Variants in TIMM9 observed in about 807,000 individuals in gnomAD.
TIMM9 encodes mitochondrial import inner membrane translocase subunit Tim9.
A neutral mutation model predicts 13.4 loss-of-function variants in TIMM9; 10 were observed. That is an observed-to-expected ratio of 0.75 (90% CI 0.46 to 1.26). The LOEUF is 1.26. Among genes scored for constraint, TIMM9 ranks in the 50% most tolerant of loss-of-function variants. The probability of loss-of-function intolerance (pLI) is 0.00; values close to 1 mark genes in which losing one functional copy is unlikely to be tolerated. For missense variants in TIMM9, 87 were observed against 100.8 expected, an observed-to-expected ratio of 0.86 and a Z score of 0.58; for synonymous variants, 32 against 32.1, an observed-to-expected ratio of 1.00 and a Z score of 0.01.
At chr14:58,415,672 C>A (rs149101430) in intron 3 of TIMM9, among the ~76,000 whole-genome samples, 176 of 152,072 alleles carry the variant, frequency 1.2e-3, no homozygotes, top group African/African-American at 4.0e-3. Flanking sequence ...CAGAGAAAAA[C>A]AGAATGAAAA....
At position 58,415,214 on chromosome 14, in the gene TIMM9, A is replaced by C. The variant is rs562419217; in HGVS notation, c.-26-3243T>G. On this transcript the variant is annotated intron_variant, in intron 3 of 5. Transcript: ENST00000395159. ...CAGTAATGAAGTGGTACCTCCCACC[A>C]CTTCCCCTCATGGAGCATTGTCAAA... Among the ~76,000 whole-genome samples, 22 of 152,290 alleles carry C rather than the reference A, an allele frequency of 1.4e-4. No individual in the cohort carries two copies. The South Asian group carries it at 4.3e-3, about 30-fold the overall frequency.
intron 3 of TIMM9, among the ~76,000 whole-genome samples, chr14:58,418,059 A>T (rs1380196617): frequency 1.3e-5 from 2 of 152,126 alleles, no homozygotes; most frequent in Non-Finnish European, 2.9e-5. Flanking sequence ...TGAAAGATAT[A>T]AAAAAGTCTA....
chr14:58,416,418 T>G (rs2036410628), intron 3 of TIMM9, among the ~76,000 whole-genome samples: 1 of 152,106 alleles, frequency 6.6e-6, no homozygotes, highest in African/African-American at 2.4e-5. Context: ...AAAACAACTG[T>G]CAATGCAGAA....
rs1319970581 is a variant in TIMM9, at chr14:58,408,575, C to T, written c.*459G>A. 1.2e-6 allele frequency: 2 copies of T among 1,613,890 alleles called. No individual in the cohort carries two copies. Among genetic ancestry groups the T allele is most frequent in the Admixed American group, 3.3e-5 (2 of 59,970 alleles). ...GAACAGGACTGCTTGGAGGATGATC[C>T]TGATTGAAAAACATTTCAACGTATC... On this transcript the variant is annotated 3_prime_UTR_variant, in exon 6 of 6. Coordinates refer to ENST00000395159, the MANE Select transcript of TIMM9 (RefSeq NM_012460.4).
At chr14:58,422,010 G>A (rs1441403699) in intron 3 of TIMM9, among the ~76,000 whole-genome samples, 1 of 124,192 alleles carries the variant, frequency 8.1e-6, no homozygotes, top group Non-Finnish European at 1.7e-5. Context: ...GCCAAAATCT[G>A]TTCTTTTTTT....
chr14:58,411,240 G>A (rs760515357), intron 4 of TIMM9, among the ~76,000 whole-genome samples: 1 of 152,102 alleles, frequency 6.6e-6, no homozygotes, highest in Non-Finnish European at 1.5e-5. Context: ...CTGAGGTCAG[G>A]AGTTCGAGAC....
chr14:58,412,014 A>T, intron 3 of TIMM9, 43 bp from the exon 4 acceptor site: 1 of 1,451,312 alleles, frequency 6.9e-7, no homozygotes, highest in Non-Finnish European at 9.7e-7. Context: ...CTATAAACAA[A>T]TGTTTTTAGT....
chr14:58,417,648 A>C, intron 3 of TIMM9, among the ~76,000 whole-genome samples: 1 of 149,608 alleles, frequency 6.7e-6, no homozygotes, highest in South Asian at 2.2e-4. Context: ...GGAGGGAGGA[A>C]GAAAGGAAGG....
At chr14:58,423,296 T>C (rs2036641456) in intron 3 of TIMM9, among the ~76,000 whole-genome samples, 1 of 150,754 alleles carries the variant, frequency 6.6e-6, no homozygotes, top group African/African-American at 2.4e-5. Context: ...GGCGGGTGGA[T>C]CATTTGAGGT....
At position 58,408,709 on chromosome 14, in the gene TIMM9, C is replaced by A; in HGVS notation, c.*325G>T. Reference sequence around the variant, plus strand: ...AAAATTTTTCTATCTCATACATGATCGAACACATAAGTTGCTTTAAAATTA... The same window carrying A: ...AAAATTTTTCTATCTCATACATGATAGAACACATAAGTTGCTTTAAAATTA... On this transcript the variant is annotated 3_prime_UTR_variant, in exon 6 of 6. Transcript: ENST00000395159. 2.3e-6 allele frequency: 2 copies of A among 884,126 alleles called. No individual in the cohort carries two copies. The highest frequency in any genetic ancestry group is 3.4e-6 in the Non-Finnish European group (2 of 591,438). 54.8% of individuals were successfully genotyped at this position (884,126 alleles called of 1,614,324 possible).
At chr14:58,420,793 C>CAAAAAAAAAAAAAAA (rs71107945) in intron 3 of TIMM9, among the ~76,000 whole-genome samples, 1 of 57,506 alleles carries the variant, frequency 1.7e-5, no homozygotes, top group Non-Finnish European at 3.4e-5. Flanking sequence ...AAATCCATCT[C>CAAAAAAAAAAAAAAA]AAAAAAAAAA....
chr14:58,426,879 C>T (rs2036853329), intron 2 of TIMM9, among the ~76,000 whole-genome samples, 175 bp downstream of exon 2: 1 of 152,294 alleles, frequency 6.6e-6, no homozygotes, highest in Admixed American at 6.5e-5. Context: ...CAGGTGACAC[C>T]ATCTCCAGGA....
In TIMM9 at chr14:58,408,894, G is replaced by T; in HGVS notation, c.*140C>A. 1 of 1,269,658 alleles carries T rather than the reference G, an allele frequency of 7.9e-7. No individual in the cohort carries two copies. Among genetic ancestry groups the T allele is most frequent in the Non-Finnish European group, 1.1e-6 (1 of 930,878 alleles). 78.6% of individuals were successfully genotyped at this position (1,269,658 alleles called of 1,614,324 possible). ...AAATAGCAATTTTGTTTCTCCAGCG[G>T]TTTCCATTTGCCAAACAGTCATGAC... On this transcript the variant is annotated 3_prime_UTR_variant, in exon 6 of 6. Transcript: ENST00000395159.
Position 58,408,905 on chromosome 14 carries a change from C to A in TIMM9, c.*129G>T. 7.3e-7 allele frequency: 1 copy of A among 1,377,134 alleles called. No individual in the cohort carries two copies. The highest frequency in any genetic ancestry group is 2.4e-5 in the East Asian group (1 of 41,630). 85.3% of individuals were successfully genotyped at this position (1,377,134 alleles called of 1,614,324 possible). On this transcript the variant is annotated 3_prime_UTR_variant, in exon 6 of 6. Transcript: ENST00000395159. ...TTGTTTCTCCAGCGGTTTCCATTTG[C>A]CAAACAGTCATGACAGATGGTTGAA...
rs370411959 is a variant in TIMM9, at chr14:58,408,511, A to G, written c.*523T>C. 4 of 1,612,260 alleles carry G rather than the reference A, an allele frequency of 2.5e-6. No homozygotes were observed. The African/African-American group carries it at 4.0e-5, about 16-fold the overall frequency. On this transcript the variant is annotated 3_prime_UTR_variant, in exon 6 of 6. Coordinates refer to ENST00000395159, the MANE Select transcript of TIMM9 (RefSeq NM_012460.4). ...GCATTGAAATGATTAGCAAGTAACTATTTTATGTATTCACCAGCAATTTGA... is the reference window on the plus strand; with the variant it reads ...GCATTGAAATGATTAGCAAGTAACTGTTTTATGTATTCACCAGCAATTTGA...
intron 3 of TIMM9, among the ~76,000 whole-genome samples, chr14:58,416,407 G>A (rs550303029): frequency 2.9e-4 from 44 of 152,216 alleles, no homozygotes; most frequent in Non-Finnish European, 4.7e-4. Context: ...AGTGCTAAAG[G>A]AAAACAACTG....
chr14:58,419,271 C>A lies in TIMM9; in HGVS notation c.-27+4737G>T, dbSNP rs368287497. Among the ~76,000 whole-genome samples, 73 of 152,062 alleles carry A rather than the reference C, an allele frequency of 4.8e-4. No individual in the cohort carries two copies. The South Asian group carries it at 0.015, about 32-fold the overall frequency. The stretch of plus-strand genomic sequence containing the variant: ...GAGTTCAAGAACAACCTGGGCAACA[C>A]AGCGAGACCTTGTCTGTACAAATAA... On this transcript the variant is annotated intron_variant, in intron 3 of 5. Transcript: ENST00000395159.
At chr14:58,412,526 C>G (rs950895264) in intron 3 of TIMM9, among the ~76,000 whole-genome samples, 1 of 152,156 alleles carries the variant, frequency 6.6e-6, no homozygotes, top group Non-Finnish European at 1.5e-5. Flanking sequence ...GCTCTGCTAC[C>G]TTGCTAAGCT....
chr14:58,411,949 C>T lies in TIMM9; in HGVS notation c.-4G>A. Reference sequence around the variant, plus strand: ...ATTCTGGTATTTGTGCAGCCATATTCTTCTGGTACCTTTATTAGTCACCTA... The same window carrying T: ...ATTCTGGTATTTGTGCAGCCATATTTTTCTGGTACCTTTATTAGTCACCTA... On this transcript the variant is annotated 5_prime_UTR_variant, in exon 4 of 6. Coordinates refer to ENST00000395159, the MANE Select transcript of TIMM9 (RefSeq NM_012460.4). The T allele has an allele frequency of 6.2e-7, 1 of 1,613,488 alleles. No homozygotes were observed. The highest frequency in any genetic ancestry group is 1.1e-5 in the South Asian group (1 of 91,060).
Sources: allele counts gnomAD v4.1 joint callset (sites outside exome capture counted in the v4.1 genomes callset), GRCh38; gene constraint gnomAD v4.1.1; transcripts MANE v1.5; gene names NCBI Gene and HGNC (gene_info 2026-07-23, HGNC 2026-07-21).